ESR2: variants seen among roughly 807,000 people sequenced by gnomAD.
ESR2 encodes estrogen receptor beta.
ESR2 carries 36 observed loss-of-function variants against 49.6 expected under a neutral mutation model. The ratio of observed to expected loss-of-function variants is 0.73; its 90% confidence interval spans 0.56 to 0.96. The LOEUF (loss-of-function observed/expected upper bound fraction) is 0.96. Among genes scored for constraint, ESR2 ranks in the 40% least tolerant of loss-of-function variants. ESR2 has a pLI of 0.00. For synonymous variants in ESR2, 320 were observed against 266.1 expected, an observed-to-expected ratio of 1.20 and a Z score of -1.97; for missense variants, 714 against 693.0, an observed-to-expected ratio of 1.03 and a Z score of -0.34.
At chr14:64,315,183 G>T (rs2077238045) in intron 1 of ESR2, among the ~76,000 whole-genome samples, 2 of 147,282 alleles carry the variant, frequency 1.4e-5, no homozygotes, top group African/African-American at 2.5e-5. Context: ...GGTGGAGGTT[G>T]TGGTAAGCCA....
intron 1 of ESR2, among the ~76,000 whole-genome samples, chr14:64,322,589 G>C (rs539811449): frequency 2.0e-5 from 3 of 150,658 alleles, no homozygotes; most frequent in Non-Finnish European, 4.4e-5. Flanking sequence ...ATAATAATGA[G>C]GTACCTTGTT....
Position 64,268,793 on chromosome 14 carries a change from A to G in ESR2, c.652+2T>C. The stretch of plus-strand genomic sequence containing the variant: ...TCAATAAGAAGGGAAGCAAGCACTC[A>G]CCACACTTCACCATTCCCACTTCGT... On this transcript the variant is annotated splice_donor_variant, in intron 4 of 8. Transcript: ENST00000341099. LOFTEE classifies it high-confidence loss of function. 1 of 1,587,846 alleles carries G rather than the reference A, an allele frequency of 6.3e-7. No homozygotes were observed. Among genetic ancestry groups the G allele is most frequent in the Non-Finnish European group, 8.6e-7 (1 of 1,156,276 alleles).
rs986306764 is a variant in ESR2 at position 64,249,458 on chromosome 14, G to T, written c.1225+88C>A. The stretch of plus-strand genomic sequence containing the variant: ...CCATTTTACCCTTTCAAATAAAATA[G>T]AAGTTCAACATTCTTCTTAATATCA... On this transcript the variant is annotated intron_variant, in intron 7 of 8. Transcript: ENST00000341099. 15 of 1,412,078 alleles carry T rather than the reference G, an allele frequency of 1.1e-5. No homozygotes were observed. The African/African-American group carries it at 2.0e-4, about 19-fold the overall frequency. 87.5% of individuals were successfully genotyped at this position (1,412,078 alleles called of 1,614,324 possible).
chr14:64,294,876 A>G (rs3829768), upstream of ESR2, among the ~76,000 whole-genome samples: 6,564 of 152,322 alleles, frequency 0.043, 381 homozygotes, highest in African/African-American at 0.12. Context: ...TCAAGAGGTC[A>G]CTGGGAAGGC....
At chr14:64,276,614 C>T (rs1256036) in intron 3 of ESR2, among the ~76,000 whole-genome samples, 99,488 of 152,094 alleles carry the variant, frequency 0.65, 34,128 homozygotes, top group African/African-American at 0.88. Flanking sequence ...GTTCTAAAAA[C>T]ATATCCAGAG....
intron 4 of ESR2, among the ~76,000 whole-genome samples, chr14:64,265,521 A>C (rs190107945): frequency 1.3e-5 from 2 of 152,208 alleles, no homozygotes; most frequent in Admixed American, 6.5e-5. Context: ...TTTAACCACT[A>C]TTTTATACTA....
chr14:64,262,437 T>C (rs1436463534), intron 4 of ESR2, among the ~76,000 whole-genome samples: 6 of 152,132 alleles, frequency 3.9e-5, no homozygotes, highest in East Asian at 1.9e-4. Flanking sequence ...TTTAGTGATA[T>C]AGAAACAAGG....
intron 7 of ESR2, among the ~76,000 whole-genome samples, chr14:64,242,269 G>A (rs919633518): frequency 4.6e-5 from 7 of 151,904 alleles, no homozygotes; most frequent in African/African-American, 1.7e-4. Context: ...AATTAGCTAG[G>A]CATGGTGGCA....
At chr14:64,266,080 G>A (rs1213183238) in intron 4 of ESR2, among the ~76,000 whole-genome samples, 1 of 152,132 alleles carries the variant, frequency 6.6e-6, no homozygotes, top group Non-Finnish European at 1.5e-5. Context: ...AGAGAATACA[G>A]TCTTTTCTTA....
At chr14:64,291,663 G>T (rs2076872530) in intron 1 of ESR2, among the ~76,000 whole-genome samples, 1 of 152,122 alleles carries the variant, frequency 6.6e-6, no homozygotes, top group South Asian at 2.1e-4. Context: ...CACCCTGCAG[G>T]AAAATCTAGA....
intron 7 of ESR2, among the ~76,000 whole-genome samples, chr14:64,245,322 G>A (rs1377346452): frequency 1.3e-5 from 2 of 151,848 alleles, no homozygotes; most frequent in Non-Finnish European, 2.9e-5. Flanking sequence ...GACCAGCCTG[G>A]CCAACATGGT....
At chr14:64,291,913 G>T (rs1325678726) in intron 1 of ESR2, among the ~76,000 whole-genome samples, 1 of 151,512 alleles carries the variant, frequency 6.6e-6, no homozygotes, top group Non-Finnish European at 1.5e-5. Context: ...TTTTAATAAA[G>T]AAGTTTTAAA....
rs878951124 is a variant in ESR2, at chr14:64,231,775, G to A, written c.*1362C>T. 1 of 152,112 alleles carries A rather than the reference G, an allele frequency of 6.6e-6. No individual in the cohort carries two copies. Among genetic ancestry groups the A allele is most frequent in the Admixed American group, 6.5e-5 (1 of 15,272 alleles). The allele number at this position is 152,112 out of a possible 1,614,324, so 9.4% of individuals were successfully genotyped here. A position where few individuals can be genotyped will look rare whatever the true frequency, so the allele number is the denominator to read the frequency against. On this transcript the variant is annotated 3_prime_UTR_variant, in exon 9 of 9. Coordinates refer to ENST00000341099, the MANE Select transcript of ESR2 (RefSeq NM_001437.3). ...GATTATTTAATTGCTGGCTTCCATA[G>A]TATGCTGTTACTCATTTTACATATT...
chr14:64,307,599 A>G (rs1433938378), intron 1 of ESR2, among the ~76,000 whole-genome samples: 1 of 151,792 alleles, frequency 6.6e-6, no homozygotes, highest in Non-Finnish European at 1.5e-5. Context: ...CAGTGGCACG[A>G]TCTCAGCTCA....
intron 6 of ESR2, 117 bp from the exon 7 acceptor site, chr14:64,249,796 A>G (rs2075953930): frequency 9.6e-7 from 1 of 1,043,200 alleles, no homozygotes; most frequent in Non-Finnish European, 1.4e-6. Flanking sequence ...TCATCTGATA[A>G]TATCATTTTA....
At chr14:64,296,848 G>T (rs1193326519), upstream of ESR2, among the ~76,000 whole-genome samples, 1 of 152,204 alleles carries the variant, frequency 6.6e-6, no homozygotes, top group African/African-American at 2.4e-5. Context: ...GAGTGAGTAA[G>T]TTTCCTTCTG....
intron 1 of ESR2, among the ~76,000 whole-genome samples, chr14:64,284,073 C>T (rs530945575): frequency 3.3e-5 from 5 of 151,642 alleles, no homozygotes; most frequent in Non-Finnish European, 4.4e-5. Flanking sequence ...ACTATGGGTG[C>T]GCACCACTGT....
chr14:64,281,000 C>T (rs1468377282), intron 2 of ESR2, among the ~76,000 whole-genome samples: 3 of 151,922 alleles, frequency 2.0e-5, no homozygotes, highest in African/African-American at 7.3e-5. Context: ...CAGAGTGAGA[C>T]TCCATCTCAA....
At chr14:64,251,444 TC>T (rs1252967003) in intron 6 of ESR2, among the ~76,000 whole-genome samples, 1 of 150,784 alleles carries the variant, frequency 6.6e-6, no homozygotes, top group Admixed American at 6.6e-5. Context: ...CACACACCCC[TC>T]CCCAAGTGGT....
Sources: allele counts gnomAD v4.1 joint callset (sites outside exome capture counted in the v4.1 genomes callset), GRCh38; gene constraint gnomAD v4.1.1; transcripts MANE v1.5; gene names NCBI Gene and HGNC (gene_info 2026-07-23, HGNC 2026-07-21).